RELN: variants seen among roughly 807,000 people sequenced by gnomAD.
RELN encodes the protein reelin.
In RELN, 108 loss-of-function variants were observed where a neutral mutation model predicts 427.6. The observed-to-expected ratio is 0.25, with a 90% CI of 0.22 to 0.30. The LOEUF is 0.30. Among genes scored for constraint, RELN ranks in the 10% least tolerant of loss-of-function variants. The pLI is 1.00. For synonymous variants in RELN, 1,524 were observed against 1,513.4 expected (o/e 1.01, Z -0.16); for missense variants, 3,715 against 4,302.8 (o/e 0.86, Z 3.82).
At chr7:103,851,335 G>A (rs1005872469) in intron 2 of RELN, among the ~76,000 whole-genome samples, 2 of 152,122 alleles carry the variant, frequency 1.3e-5, no homozygotes, top group Non-Finnish European at 2.9e-5. Flanking sequence ...GGACTTGGGG[G>A]GAAGAGTGGG....
At chr7:103,486,930 C>A (rs1045811198) in intron 60 of RELN, among the ~76,000 whole-genome samples, 2 of 152,206 alleles carry the variant, frequency 1.3e-5, no homozygotes, top group Non-Finnish European at 2.9e-5. Context: ...GATTATAAAT[C>A]ATTCTACGCT....
At chr7:103,825,981 A>G (rs1396070442) in intron 3 of RELN, among the ~76,000 whole-genome samples, 1 of 152,054 alleles carries the variant, frequency 6.6e-6, no homozygotes, top group African/African-American at 2.4e-5. Context: ...TAGGACCTTT[A>G]AGAAGTGATT....
chr7:103,797,095 ATT>A (rs1374754258), intron 3 of RELN, among the ~76,000 whole-genome samples: 1 of 151,330 alleles, frequency 6.6e-6, no homozygotes, highest in South Asian at 2.1e-4. Flanking sequence ...TATTTATTTC[ATT>A]TTTTTGAGAC....
At chr7:103,630,215 G>A (rs1832421915) in intron 19 of RELN, 39 bp from the exon 20 acceptor site, 3 of 1,383,020 alleles carry the variant, frequency 2.2e-6, no homozygotes, top group Non-Finnish European at 3.1e-6. Flanking sequence ...GATTATTTTG[G>A]TATCTTAAAA....
rs1827890615 is a variant in RELN at position 103,472,558 on chromosome 7, C to T, written c.*254G>A. On this transcript the variant is annotated 3_prime_UTR_variant, in exon 65 of 65. Coordinates refer to ENST00000428762, the MANE Select transcript of RELN (RefSeq NM_005045.4). ...CTGTTTCTTATTGTCAATACTGCCA[C>T]TGTAACTGATATTACAACAGATCAC... The T allele has an allele frequency of 2.2e-6, 1 of 462,680 alleles. No individual in the cohort carries two copies. Among genetic ancestry groups the T allele is most frequent in the East Asian group, 4.0e-5 (1 of 24,808 alleles). 28.7% of individuals were successfully genotyped at this position (462,680 alleles called of 1,614,324 possible).
chr7:103,880,252 A>T (rs1283288732), intron 2 of RELN, among the ~76,000 whole-genome samples: 2 of 152,090 alleles, frequency 1.3e-5, no homozygotes, highest in Admixed American at 6.5e-5. Flanking sequence ...GGTGTAATTT[A>T]TTAGTAGCTT....
In RELN at chr7:103,551,773, C is replaced by A. The variant is rs552802980; in HGVS notation, c.6073-477G>T. ...ATTCAATATCAAAAGAGAATACAAT[C>A]ATTGTCATCATTTCCCTGGCACAGG... On this transcript the variant is annotated intron_variant, in intron 40 of 64. Transcript: ENST00000428762. Among the ~76,000 whole-genome samples, 5 of 152,198 alleles carry A rather than the reference C, an allele frequency of 3.3e-5. No homozygotes were observed. The South Asian group carries it at 1.0e-3, about 32-fold the overall frequency.
In RELN at chr7:103,988,451, A is replaced by T. The variant is rs1182428734; in HGVS notation, c.226+680T>A. On this transcript the variant is annotated intron_variant, in intron 1 of 64. Coordinates refer to ENST00000428762, the MANE Select transcript of RELN (RefSeq NM_005045.4). The surrounding 1 kb of genome is among the most constrained non-coding windows in gnomAD (Gnocchi z 4.9). ...ATACAAAGTCATTAATAAACATCAC[A>T]AAGATAATTCTAACAAGAAGCACCA... Among the ~76,000 whole-genome samples, 12 of 152,382 alleles carry T rather than the reference A, an allele frequency of 7.9e-5. No homozygotes were observed. The South Asian group carries it at 2.5e-3, about 32-fold the overall frequency.
chr7:103,749,750 T>C (rs894704100), intron 5 of RELN, among the ~76,000 whole-genome samples: 2 of 152,194 alleles, frequency 1.3e-5, no homozygotes, highest in Non-Finnish European at 2.9e-5. Flanking sequence ...AAGCTATCAC[T>C]AGGCAGGCAA....
At chr7:103,810,440 C>T (rs779850503) in intron 3 of RELN, among the ~76,000 whole-genome samples, 1 of 152,100 alleles carries the variant, frequency 6.6e-6, no homozygotes, top group Non-Finnish European at 1.5e-5. Flanking sequence ...TCAACTGGAA[C>T]CAGAGGAAGG....
intron 2 of RELN, among the ~76,000 whole-genome samples, chr7:103,872,174 T>C (rs1794360843): frequency 1.5e-5 from 2 of 136,764 alleles, no homozygotes; most frequent in Non-Finnish European, 3.2e-5. Context: ...TAACTCGTCA[T>C]CTAGCATTAG....
intron 3 of RELN, among the ~76,000 whole-genome samples, chr7:103,815,933 T>A (rs1792858074): frequency 6.6e-6 from 1 of 152,234 alleles, no homozygotes; most frequent in Non-Finnish European, 1.5e-5. Flanking sequence ...AAACACTTAT[T>A]TTTTAAGTTC....
At chr7:103,728,635 T>C (rs517912) in intron 6 of RELN, among the ~76,000 whole-genome samples, 25,731 of 152,096 alleles carry the variant, frequency 0.17, 2,548 homozygotes, top group Middle Eastern at 0.3. Flanking sequence ...ACAAGGACGT[T>C]TGCAAGTATT....
At chr7:103,749,367 C>A in intron 6 of RELN, 59 bp downstream of exon 6, 1 of 1,258,212 alleles carries the variant, frequency 7.9e-7, no homozygotes, top group Non-Finnish European at 1.2e-6. Context: ...CTTAAAGGAG[C>A]AGTCAGCATC....
chr7:103,908,695 T>G (rs534664285), intron 2 of RELN, among the ~76,000 whole-genome samples: 2 of 152,362 alleles, frequency 1.3e-5, no homozygotes, highest in African/African-American at 4.8e-5. Flanking sequence ...ATTTGGAAGT[T>G]GGGAAATATC....
At chr7:103,783,938 C>A (rs1340794409) in intron 3 of RELN, among the ~76,000 whole-genome samples, 1 of 152,068 alleles carries the variant, frequency 6.6e-6, no homozygotes, top group Non-Finnish European at 1.5e-5. Context: ...AAAGAGTAAT[C>A]ATTTCAGTGA....
intron 1 of RELN, among the ~76,000 whole-genome samples, chr7:103,941,359 G>A (rs4639449): frequency 0.39 from 58,612 of 152,004 alleles, 11,490 homozygotes; most frequent in East Asian, 0.42. Flanking sequence ...AAGATTGTTC[G>A]AAGGGCATGG....
intron 1 of RELN, among the ~76,000 whole-genome samples, chr7:103,972,900 G>GTC (rs1241642832): frequency 6.6e-6 from 1 of 151,730 alleles, no homozygotes; most frequent in Non-Finnish European, 1.5e-5. Flanking sequence ...GATTATGTGT[G>GTC]TGTGTGTGTG....
chr7:103,492,485 A>G (rs1828706566), intron 57 of RELN, among the ~76,000 whole-genome samples: 1 of 152,190 alleles, frequency 6.6e-6, no homozygotes, highest in South Asian at 2.1e-4. Context: ...TTCCATATCA[A>G]TGAAAGCTTT....
Sources: allele counts gnomAD v4.1 joint callset (sites outside exome capture counted in the v4.1 genomes callset), GRCh38; gene constraint gnomAD v4.1.1; non-coding constraint Gnocchi (gnomAD v3.1); transcripts MANE v1.5; gene names NCBI Gene and HGNC (gene_info 2026-07-23, HGNC 2026-07-21).